Variants in AFAP1 observed in about 807,000 individuals in gnomAD.
AFAP1 encodes the protein actin filament-associated protein 1.
In AFAP1, 75 loss-of-function variants were observed where a neutral mutation model predicts 93.9. The observed-to-expected ratio is 0.80, with a 90% CI of 0.66 to 0.97. AFAP1 has a LOEUF of 0.97. Among genes scored for constraint, AFAP1 ranks in the 50% least tolerant of loss-of-function variants. The pLI is 0.00. For synonymous variants in AFAP1, 517 were observed against 430.7 expected, an observed-to-expected ratio of 1.20 and a Z score of -2.48; for missense variants, 1,201 against 1,050.8, an observed-to-expected ratio of 1.14 and a Z score of -1.98.
chr4:7,782,542 T>G (rs1470734175), intron 12 of AFAP1, among the ~76,000 whole-genome samples: 4 of 152,230 alleles, frequency 2.6e-5, no homozygotes, highest in Non-Finnish European at 5.9e-5. Context: ...AATAGCTACA[T>G]GCCACTGCAT....
In AFAP1 at chr4:7,819,130, A is replaced by G; in HGVS notation, c.768T>C (p.Asp256=). Reference sequence around the variant, plus strand: ...AGCTTGGTGGAGGAGGACACTCTGAATCCACGGGGCCACTACAACCACTGT... The same window carrying G: ...AGCTTGGTGGAGGAGGACACTCTGAGTCCACGGGGCCACTACAACCACTGT... ...EAYSGCSGPV[D]SECPPPPSSP... Residue 256 remains aspartate, a synonymous_variant, in exon 7 of 18, where the codon GAT becomes GAC. Coordinates refer to ENST00000420658, the MANE Select transcript of AFAP1 (RefSeq NM_001134647.2). 6.2e-7 allele frequency: 1 copy of G among 1,613,874 alleles called. No individual in the cohort carries two copies. Among genetic ancestry groups the G allele is most frequent in the East Asian group, 2.2e-5 (1 of 44,876 alleles).
chr4:7,821,059 G>T (rs929539446), intron 6 of AFAP1, among the ~76,000 whole-genome samples: 1 of 152,108 alleles, frequency 6.6e-6, no homozygotes, highest in East Asian at 1.9e-4. Context: ...CAGAGGTTGC[G>T]GTGAGCCGAG....
intron 10 of AFAP1, among the ~76,000 whole-genome samples, chr4:7,798,462 G>A (rs530654274): frequency 1.8e-5 from 2 of 110,798 alleles, no homozygotes; most frequent in African/African-American, 6.8e-5. Context: ...CTGGCTCACG[G>A]CATTGCAACT....
chr4:7,868,764 T>A, intron 2 of AFAP1, 45 bp from the exon 3 acceptor site: 5 of 1,555,418 alleles, frequency 3.2e-6, no homozygotes, highest in Non-Finnish European at 4.4e-6. Flanking sequence ...AGGATGGGGA[T>A]GAGAAGGGTA....
Position 7,759,548 on chromosome 4 carries a change from T to TAAGA in AFAP1, c.*4213_*4216dup, listed in dbSNP as rs201242051. The TAAGA allele has an allele frequency of 0.011, 1,671 of 152,798 alleles. 16 individuals are homozygous for TAAGA. Among genetic ancestry groups the TAAGA allele is most frequent in the Non-Finnish European group, 0.014 (986 of 68,040 alleles). 9.5% of individuals were successfully genotyped at this position (152,798 alleles called of 1,614,324 possible). A position where few individuals can be genotyped will look rare whatever the true frequency, so the allele number is the denominator to read the frequency against. On this transcript the variant is annotated 3_prime_UTR_variant, in exon 18 of 18. Transcript: ENST00000420658. ...GTATGAACCCAGCCCACCAAGGGGA[T>TAAGA]AAGAAGACAGTGACAACCAGGAAAA...
chr4:7,870,441 C>T (rs1716921028), intron 2 of AFAP1, among the ~76,000 whole-genome samples: 1 of 152,172 alleles, frequency 6.6e-6, no homozygotes, highest in Admixed American at 6.5e-5. Context: ...AGGCAGACTG[C>T]TTGAGCCTAG....
chr4:7,846,912 T>C (rs1392207560), intron 4 of AFAP1, among the ~76,000 whole-genome samples: 1 of 152,218 alleles, frequency 6.6e-6, no homozygotes, highest in Non-Finnish European at 1.5e-5. Context: ...GACTGAAACA[T>C]GAACCCGTGC....
Position 7,819,150 on chromosome 4 carries a change from C to T in AFAP1, c.748G>A (p.Gly250Ser), listed in dbSNP as rs138297685. ...TCTGAATCCACGGGGCCACTACAACCACTGTAGGCTTCTTTGATCACCTAT... is the reference window on the plus strand; with the variant it reads ...TCTGAATCCACGGGGCCACTACAACTACTGTAGGCTTCTTTGATCACCTAT... The part of the protein sequence containing the change: ...WLKVIKEAYS[G>S]CSGPVDSECP... The change falls in exon 7 of 18, where the codon GGT (glycine) becomes AGT (serine). Residue 250 changes from glycine (G) to serine (S), a missense_variant. Transcript: ENST00000420658. 17 of 1,613,014 alleles carry T rather than the reference C, an allele frequency of 1.1e-5. No homozygotes were observed. In the African/African-American group the frequency reaches 2.1e-4, roughly 20 times the overall value.
chr4:7,803,584 ACT>A (rs60445353), intron 9 of AFAP1, among the ~76,000 whole-genome samples: 16,246 of 151,460 alleles, frequency 0.11, 1,328 homozygotes, highest in East Asian at 0.48. Context: ...GAGGGCATGG[ACT>A]CTGCAGTGGG....
chr4:7,922,325 A>G (rs1330994242), intron 1 of AFAP1, among the ~76,000 whole-genome samples: 4 of 152,250 alleles, frequency 2.6e-5, no homozygotes, highest in African/African-American at 9.6e-5. Flanking sequence ...TAAAGGACAA[A>G]AAACATTAAG....
In AFAP1 at chr4:7,911,042, A is replaced by G. The variant is rs138956433; in HGVS notation, c.-3+28614T>C. 2.6e-3 allele frequency among the ~76,000 whole-genome samples: 391 copies of G among 152,146 alleles called. 4 individuals carry two copies. The East Asian group carries it at 0.032, about 12-fold the overall frequency. Reference sequence around the variant, plus strand: ...CGAGTCCTGGCAGCTCTGAGGCCACAAAGCCATAAACGCACGGGACACACA... The same window carrying G: ...CGAGTCCTGGCAGCTCTGAGGCCACGAAGCCATAAACGCACGGGACACACA... On this transcript the variant is annotated intron_variant, in intron 1 of 17. Coordinates refer to ENST00000420658, the MANE Select transcript of AFAP1 (RefSeq NM_001134647.2).
intron 2 of AFAP1, among the ~76,000 whole-genome samples, chr4:7,870,285 G>A (rs191176488): frequency 9.2e-5 from 14 of 152,326 alleles, no homozygotes; most frequent in Admixed American, 5.2e-4. Context: ...TGGGATGGCC[G>A]AAGGAGTCTG....
rs572176955 is a variant in AFAP1 at position 7,859,123 on chromosome 4, G to C, written c.226-3549C>G. 2.0e-5 allele frequency among the ~76,000 whole-genome samples: 3 copies of C among 152,256 alleles called. No individual in the cohort carries two copies. In the East Asian group the frequency reaches 5.8e-4, roughly 30 times the overall value. On this transcript the variant is annotated intron_variant, in intron 3 of 17. Coordinates refer to ENST00000420658, the MANE Select transcript of AFAP1 (RefSeq NM_001134647.2). ...TACCACTCACAAAACACAAGCTAAG[G>C]CAACAAGGGTCCTTGGGTTGGGCGC...
At chr4:7,791,620 G>C (rs1290782269) in intron 11 of AFAP1, among the ~76,000 whole-genome samples, 1 of 151,806 alleles carries the variant, frequency 6.6e-6, no homozygotes, top group African/African-American at 2.4e-5. Flanking sequence ...AAGACAGGAA[G>C]ATCACTTGAA....
At chr4:7,903,943 A>G (rs1719256357) in intron 1 of AFAP1, among the ~76,000 whole-genome samples, 1 of 148,296 alleles carries the variant, frequency 6.7e-6, no homozygotes, top group South Asian at 2.1e-4. Context: ...GCAATGGTTT[A>G]ATGTCTTTTT....
At chr4:7,844,922 AAGG>A (rs1290861661) in intron 4 of AFAP1, among the ~76,000 whole-genome samples, 1 of 152,260 alleles carries the variant, frequency 6.6e-6, no homozygotes, top group East Asian at 1.9e-4. Context: ...AATGAGAGAT[AAGG>A]AGAACAATGG....
intron 1 of AFAP1, among the ~76,000 whole-genome samples, chr4:7,874,966 A>T (rs1315285086): frequency 6.6e-6 from 1 of 152,146 alleles, no homozygotes; most frequent in Non-Finnish European, 1.5e-5. Context: ...TAATCATATA[A>T]ATAAAGCTCT....
In AFAP1 at chr4:7,837,964, C is replaced by T. The variant is rs896617065; in HGVS notation, c.726+560G>A. Reference sequence around the variant, plus strand: ...AGGAGGCAGAGGTTGCAGTGAACCACGATCATACCGCTACATTCCAGCCTG... The same window carrying T: ...AGGAGGCAGAGGTTGCAGTGAACCATGATCATACCGCTACATTCCAGCCTG... On this transcript the variant is annotated intron_variant, in intron 6 of 17. Transcript: ENST00000420658. Among the ~76,000 whole-genome samples the T allele has an allele frequency of 8.6e-5, 13 of 152,040 alleles. No individual in the cohort carries two copies. The East Asian group carries it at 1.2e-3, about 14-fold the overall frequency.
At chr4:7,836,936 A>C (rs1368058399) in intron 6 of AFAP1, among the ~76,000 whole-genome samples, 1 of 152,150 alleles carries the variant, frequency 6.6e-6, no homozygotes, top group Non-Finnish European at 1.5e-5. Context: ...TTTTTCCCCT[A>C]ATATAATGCC....
Sources: allele counts gnomAD v4.1 joint callset (sites outside exome capture counted in the v4.1 genomes callset), GRCh38; gene constraint gnomAD v4.1.1; transcripts MANE v1.5; gene names NCBI Gene and HGNC (gene_info 2026-07-23, HGNC 2026-07-21).